SCCPDH: variants seen among roughly 807,000 people sequenced by gnomAD.
The protein encoded by SCCPDH is saccharopine dehydrogenase-like oxidoreductase.
In SCCPDH, 34 loss-of-function variants were observed where a neutral mutation model predicts 51.5. The ratio of observed to expected loss-of-function variants is 0.66; its 90% confidence interval spans 0.50 to 0.88. SCCPDH has a LOEUF of 0.88. SCCPDH is among the 40% of genes least tolerant of loss of function. The probability of loss-of-function intolerance (pLI) is 0.00; values close to 1 mark genes in which losing one functional copy is unlikely to be tolerated. For synonymous variants in SCCPDH, 187 were observed against 191.3 expected, an observed-to-expected ratio of 0.98 and a Z score of 0.19; for missense variants, 464 against 527.1, an observed-to-expected ratio of 0.88 and a Z score of 1.17.
rs1338731985 is a variant in SCCPDH at position 246,759,018 on chromosome 1, T to C, written c.696-16T>C. The C allele has an allele frequency of 1.5e-6, 2 of 1,340,898 alleles. No homozygotes were observed. Among genetic ancestry groups the C allele is most frequent in the African/African-American group, 1.4e-5 (1 of 69,256 alleles). 83.1% of individuals were successfully genotyped at this position (1,340,898 alleles called of 1,614,324 possible). On this transcript the variant is annotated splice_polypyrimidine_tract_variant and intron_variant, in intron 6 of 11. Coordinates refer to ENST00000366510, the MANE Select transcript of SCCPDH (RefSeq NM_016002.3). ...AATTGCAGGAAATGCAAAATATTCATAGGTCTGTCTTGCAGGTGGCCAATT... is the reference window on the plus strand; with the variant it reads ...AATTGCAGGAAATGCAAAATATTCACAGGTCTGTCTTGCAGGTGGCCAATT...
chr1:246,754,231 G>A (rs1000015824), intron 5 of SCCPDH, among the ~76,000 whole-genome samples: 3 of 151,932 alleles, frequency 2.0e-5, no homozygotes, highest in Non-Finnish European at 2.9e-5. Context: ...TGGTCGCTGC[G>A]GTGTGTGATG....
chr1:246,739,286 G>A (rs1668644065), intron 3 of SCCPDH, among the ~76,000 whole-genome samples: 1 of 152,142 alleles, frequency 6.6e-6, no homozygotes, highest in Admixed American at 6.5e-5. Context: ...GATATGATAT[G>A]ATAAGAATAG....
At chr1:246,744,026 A>C (rs1469940246) in intron 4 of SCCPDH, 50 bp from the exon 5 acceptor site, 1 of 1,102,648 alleles carries the variant, frequency 9.1e-7, no homozygotes. Flanking sequence ...TACCCCAAAT[A>C]ATTTAGATGT....
rs775413925 is a variant in SCCPDH at position 246,758,206 on chromosome 1, C to A, written c.565-20C>A. The stretch of plus-strand genomic sequence containing the variant: ...TAACTACCCTTTCATGTTTCTTTAA[C>A]TCTTGAAATATTTTATTAGGGGTTG... On this transcript the variant is annotated intron_variant, in intron 5 of 11. Coordinates refer to ENST00000366510, the MANE Select transcript of SCCPDH (RefSeq NM_016002.3). 1 of 1,543,538 alleles carries A rather than the reference C, an allele frequency of 6.5e-7. No homozygotes were observed. The highest frequency in any genetic ancestry group is 8.7e-7 in the Non-Finnish European group (1 of 1,146,640).
chr1:246,732,318 T>G (rs1668504658), intron 2 of SCCPDH, among the ~76,000 whole-genome samples: 1 of 152,098 alleles, frequency 6.6e-6, no homozygotes, highest in East Asian at 1.9e-4. Flanking sequence ...GAGACTGATT[T>G]GAGATAATTT....
At chr1:246,748,206 C>T (rs1389028842) in intron 5 of SCCPDH, among the ~76,000 whole-genome samples, 2 of 152,078 alleles carry the variant, frequency 1.3e-5, no homozygotes, top group Admixed American at 1.3e-4. Flanking sequence ...GACTAGCCCA[C>T]GGATGCACGG....
At chr1:246,752,143 T>C (rs1558172312) in intron 5 of SCCPDH, among the ~76,000 whole-genome samples, 1 of 152,154 alleles carries the variant, frequency 6.6e-6, no homozygotes, top group Admixed American at 6.5e-5. Context: ...ACTGCCTTCA[T>C]GTCTGTGGAC....
At chr1:246,741,155 TAA>T (rs776410769) in intron 4 of SCCPDH, among the ~76,000 whole-genome samples, 6 of 152,002 alleles carry the variant, frequency 3.9e-5, no homozygotes, top group Non-Finnish European at 7.4e-5. Context: ...CAGTACCATA[TAA>T]AGTGTTCTAG....
chr1:246,753,668 A>G (rs1413487066), intron 5 of SCCPDH, among the ~76,000 whole-genome samples: 4 of 152,066 alleles, frequency 2.6e-5, no homozygotes, highest in Non-Finnish European at 5.9e-5. Flanking sequence ...TTTTGGCCAG[A>G]AGGGTGTTCA....
intron 2 of SCCPDH, among the ~76,000 whole-genome samples, chr1:246,727,755 C>G (rs909508463): frequency 1.1e-4 from 17 of 152,076 alleles, no homozygotes; most frequent in Non-Finnish European, 2.1e-4. Context: ...TCCTGAGATG[C>G]CAGTGTGCTT....
At chr1:246,744,237 G>A in intron 5 of SCCPDH, 112 bp downstream of exon 5, 1 of 490,340 alleles carries the variant, frequency 2.0e-6, no homozygotes, top group East Asian at 3.2e-5. Flanking sequence ...AAGTCACCAT[G>A]TTTAATTTTT....
At chr1:246,738,384 G>T (rs1332225042) in intron 3 of SCCPDH, among the ~76,000 whole-genome samples, 2 of 151,480 alleles carry the variant, frequency 1.3e-5, no homozygotes. Flanking sequence ...GGTGGTGCAC[G>T]CCTGTAGTCC....
intron 9 of SCCPDH, among the ~76,000 whole-genome samples, chr1:246,763,177 A>G (rs898060753): frequency 1.3e-5 from 2 of 152,222 alleles, no homozygotes; most frequent in African/African-American, 4.8e-5. Context: ...CCGAAAGTCC[A>G]TCTTCAGAGA....
chr1:246,751,972 G>A (rs1453449224), intron 5 of SCCPDH, among the ~76,000 whole-genome samples: 6 of 150,400 alleles, frequency 4.0e-5, no homozygotes, highest in East Asian at 3.9e-4. Context: ...TAGTAGAGAC[G>A]GGCTTTCACC....
chr1:246,741,973 G>T (rs1458979639), intron 4 of SCCPDH, among the ~76,000 whole-genome samples: 91 of 152,184 alleles, frequency 6.0e-4, no homozygotes, highest in Admixed American at 6.0e-3. Context: ...GGAGGCTGAG[G>T]CAGGAGAATC....
chr1:246,749,004 G>A (rs1230570691), intron 5 of SCCPDH, among the ~76,000 whole-genome samples: 1 of 152,232 alleles, frequency 6.6e-6, no homozygotes, highest in Non-Finnish European at 1.5e-5. Flanking sequence ...TCCGTCTGCC[G>A]TGAAAGGCAC....
At chr1:246,726,071 A>G (rs1558165095) in intron 1 of SCCPDH, among the ~76,000 whole-genome samples, 1 of 151,398 alleles carries the variant, frequency 6.6e-6, no homozygotes, top group Non-Finnish European at 1.5e-5. Flanking sequence ...GTTAGTGAGG[A>G]TGGTCTCGAT....
intron 3 of SCCPDH, among the ~76,000 whole-genome samples, chr1:246,738,384 G>A (rs1332225042): frequency 1.3e-5 from 2 of 151,480 alleles, no homozygotes; most frequent in South Asian, 2.1e-4. Flanking sequence ...GGTGGTGCAC[G>A]CCTGTAGTCC....
chr1:246,735,914 C>T, intron 2 of SCCPDH, 61 bp from the exon 3 acceptor site: 1 of 1,035,042 alleles, frequency 9.7e-7, no homozygotes, highest in Non-Finnish European at 1.5e-6. Context: ...GATTAGATGG[C>T]ATTTTATTCA....
Sources: allele counts gnomAD v4.1 joint callset (sites outside exome capture counted in the v4.1 genomes callset), GRCh38; gene constraint gnomAD v4.1.1; transcripts MANE v1.5; gene names NCBI Gene and HGNC (gene_info 2026-07-23, HGNC 2026-07-21).